FAM174A: variants seen among roughly 807,000 people sequenced by gnomAD.
The protein encoded by FAM174A is membrane protein FAM174A.
In FAM174A, 14 loss-of-function variants were observed where a neutral mutation model predicts 14.3. The ratio of observed to expected loss-of-function variants is 0.98; its 90% confidence interval spans 0.65 to 1.53. The LOEUF is 1.53. FAM174A is among the 40% of genes most tolerant of loss of function. The pLI is 0.00. For missense variants in FAM174A, 241 were observed against 249.6 expected, an observed-to-expected ratio of 0.97 and a Z score of 0.23; for synonymous variants, 108 against 111.4, an observed-to-expected ratio of 0.97 and a Z score of 0.19.
intron 1 of FAM174A, among the ~76,000 whole-genome samples, chr5:100,561,052 G>C (rs1746512799): frequency 6.6e-6 from 1 of 151,868 alleles, no homozygotes; most frequent in Admixed American, 6.6e-5. Flanking sequence ...TGCCCTCAGA[G>C]AACTTAGTGG....
intron 1 of FAM174A, among the ~76,000 whole-genome samples, chr5:100,542,894 A>G (rs1017288491): frequency 6.4e-4 from 97 of 151,556 alleles, no homozygotes; most frequent in African/African-American, 2.3e-3. Context: ...TGTAGGGGGT[A>G]TATGTGTGTG....
At chr5:100,539,784 C>T (rs1746014289) in intron 1 of FAM174A, among the ~76,000 whole-genome samples, 1 of 152,160 alleles carries the variant, frequency 6.6e-6, no homozygotes, top group Non-Finnish European at 1.5e-5. Flanking sequence ...AGCGATATTG[C>T]ACATAAAGAT....
chr5:100,583,918 A>G (rs551775037), intron 2 of FAM174A, among the ~76,000 whole-genome samples: 13 of 152,264 alleles, frequency 8.5e-5, no homozygotes, highest in African/African-American at 2.4e-4. Context: ...AAGCATCCTT[A>G]TGGCCCCCTT....
At chr5:100,537,512 A>T in intron 1 of FAM174A, among the ~76,000 whole-genome samples, 1 of 152,210 alleles carries the variant, frequency 6.6e-6, no homozygotes, top group Admixed American at 6.5e-5. Context: ...AATATAAGTT[A>T]TTTTGGGTTC....
At chr5:100,561,410 C>T (rs1746519432) in intron 1 of FAM174A, among the ~76,000 whole-genome samples, 1 of 151,934 alleles carries the variant, frequency 6.6e-6, no homozygotes. Context: ...GACTGTGATT[C>T]TGCTGATCCA....
intron 1 of FAM174A, among the ~76,000 whole-genome samples, chr5:100,553,634 A>G (rs1746307642): frequency 6.6e-6 from 1 of 152,130 alleles, no homozygotes; most frequent in African/African-American, 2.4e-5. Flanking sequence ...TGCATCACCC[A>G]TTTATTTGAT....
intron 1 of FAM174A, among the ~76,000 whole-genome samples, chr5:100,536,174 C>T (rs1003471758): frequency 1.3e-5 from 2 of 152,232 alleles, no homozygotes; most frequent in South Asian, 4.1e-4. Flanking sequence ...TAAATGAGTG[C>T]CCTACCTCCA....
At chr5:100,548,399 GTTATTA>G (rs956160300) in intron 1 of FAM174A, among the ~76,000 whole-genome samples, 14 of 151,760 alleles carry the variant, frequency 9.2e-5, no homozygotes, top group African/African-American at 2.4e-4. Context: ...TAGCTGCCAA[GTTATTA>G]TTATTATTAT....
intron 2 of FAM174A, among the ~76,000 whole-genome samples, chr5:100,569,668 G>A (rs1408800677): frequency 6.6e-6 from 1 of 151,658 alleles, no homozygotes; most frequent in Non-Finnish European, 1.5e-5. Flanking sequence ...TATCCTACTG[G>A]GCAGAGCAAA....
intron 2 of FAM174A, among the ~76,000 whole-genome samples, chr5:100,570,097 T>A (rs1247346271): frequency 6.6e-6 from 1 of 151,940 alleles, no homozygotes; most frequent in African/African-American, 2.4e-5. Context: ...TCACACTAAT[T>A]CTAGACATCT....
intron 1 of FAM174A, among the ~76,000 whole-genome samples, chr5:100,545,571 G>A (rs1032368957): frequency 2.0e-5 from 3 of 151,890 alleles, no homozygotes; most frequent in African/African-American, 7.3e-5. Flanking sequence ...TATATACTAT[G>A]GTTTGACTTT....
At chr5:100,564,258 ATACAC>A (rs539160336) in intron 2 of FAM174A, among the ~76,000 whole-genome samples, 383 of 151,992 alleles carry the variant, frequency 2.5e-3, no homozygotes, top group Non-Finnish European at 3.8e-3. Context: ...GAATGGACTA[ATACAC>A]TGAACAACAC....
intron 2 of FAM174A, among the ~76,000 whole-genome samples, chr5:100,572,217 T>C (rs1390882569): frequency 5.8e-5 from 3 of 51,836 alleles, no homozygotes; most frequent in Non-Finnish European, 1.5e-4. Flanking sequence ...TTTTTTTTCT[T>C]TTTTTTATGT....
chr5:100,569,391 T>TA (rs1554047664), intron 2 of FAM174A, among the ~76,000 whole-genome samples: 20 of 150,256 alleles, frequency 1.3e-4, no homozygotes, highest in Middle Eastern at 3.5e-3. Flanking sequence ...GAGGCTATTA[T>TA]TATATATATA....
At chr5:100,550,040 T>C (rs1043493467) in intron 1 of FAM174A, among the ~76,000 whole-genome samples, 4 of 152,146 alleles carry the variant, frequency 2.6e-5, no homozygotes, top group African/African-American at 9.7e-5. Flanking sequence ...TTTGAAAGGA[T>C]AAACTTCAGT....
intron 2 of FAM174A, among the ~76,000 whole-genome samples, chr5:100,574,324 G>T (rs1746857679): frequency 6.6e-6 from 1 of 152,002 alleles, no homozygotes; most frequent in Admixed American, 6.6e-5. Flanking sequence ...CAGTAGCTGG[G>T]ATTACAGATG....
At position 100,535,397 on chromosome 5, in the gene FAM174A, C is replaced by A; in HGVS notation, c.-134C>A. 2 of 939,474 alleles carry A rather than the reference C, an allele frequency of 2.1e-6. No homozygotes were observed. The highest frequency in any genetic ancestry group is 3.2e-6 in the Non-Finnish European group (2 of 618,978). The allele number at this position is 939,474 out of a possible 1,614,324, so 58.2% of individuals were successfully genotyped here. ...GCAGCTGCCACTGCTGTAGCTTCTG[C>A]CACCTGCCACGACCGGGCCTCTCCC... On this transcript the variant is annotated 5_prime_UTR_variant, in exon 1 of 3. Transcript: ENST00000312637.
rs1745935394 is a variant in FAM174A, at chr5:100,535,978, T to TC, written c.434+15dup. The TC allele has an allele frequency of 6.5e-7, 1 of 1,549,588 alleles. No individual in the cohort carries two copies. Among genetic ancestry groups the TC allele is most frequent in the South Asian group, 1.2e-5 (1 of 82,920 alleles). On this transcript the variant is annotated intron_variant, in intron 1 of 2. Coordinates refer to ENST00000312637, the MANE Select transcript of FAM174A (RefSeq NM_198507.3). ...CAGGACGGTCAGGTGAGGCAAAGCC[T>TC]CGGTGGGGCACCCCCGTGGGCCTGA...
In FAM174A at chr5:100,535,484, T is replaced by TGGCG. The variant is rs777214099; in HGVS notation, c.-43_-40dup. 1 of 1,596,494 alleles carries TGGCG rather than the reference T, an allele frequency of 6.3e-7. No homozygotes were observed. The highest frequency in any genetic ancestry group is 1.7e-5 in the Admixed American group (1 of 59,292). ...CCTATGGTCCCTCTTGGAGCCAGCGTGGCGGGCCTGGCGGCTCCCGGGTGG... is the reference window on the plus strand; with the variant it reads ...CCTATGGTCCCTCTTGGAGCCAGCGTGGCGGGCGGGCCTGGCGGCTCCCGGGTGG... On this transcript the variant is annotated 5_prime_UTR_variant, in exon 1 of 3. An upstream open reading frame in the 5' UTR loses its in-frame stop. Coordinates refer to ENST00000312637, the MANE Select transcript of FAM174A (RefSeq NM_198507.3).
Sources: gnomAD v4.1 joint callset for allele counts (sites outside exome capture counted in the v4.1 genomes callset) on GRCh38, gnomAD v4.1.1 for gene constraint, MANE v1.5 for transcripts, NCBI Gene and HGNC (gene_info 2026-07-23, HGNC 2026-07-21) for gene names.